The following CERS3 variants were observed in gnomAD, a reference collection of about 807,000 sequenced individuals.
The protein encoded by CERS3 is ceramide synthase 3, also known as LAG1 homolog, ceramide synthase 3.
CERS3 carries 33 observed loss-of-function variants against 50.3 expected under a neutral mutation model. That is an observed-to-expected ratio of 0.66 (90% CI 0.50 to 0.88). The LOEUF (loss-of-function observed/expected upper bound fraction) is 0.88, where lower values mean the gene tolerates loss of function less well. CERS3 is among the 40% of genes least tolerant of loss of function. The pLI, the probability that CERS3 is intolerant of heterozygous loss-of-function variation, is 0.00. For missense variants in CERS3, 470 were observed against 460.3 expected (o/e 1.02, Z -0.19); for synonymous variants, 176 against 155.2 (o/e 1.13, Z -0.99).
chr15:100,427,780 G>C (rs2587823), intron 11 of CERS3, among the ~76,000 whole-genome samples: 41,855 of 152,138 alleles, frequency 0.28, 5,946 homozygotes, highest in East Asian at 0.42. Flanking sequence ...TAAATATGAT[G>C]GCTTGAGCTA....
intron 4 of CERS3, among the ~76,000 whole-genome samples, chr15:100,486,373 C>T (rs988665977): frequency 2.0e-5 from 3 of 152,180 alleles, no homozygotes; most frequent in South Asian, 2.1e-4. Flanking sequence ...GCTATGTAGG[C>T]GTAAGCACCG....
intron 1 of CERS3, among the ~76,000 whole-genome samples, chr15:100,528,472 C>A (rs1416878393): frequency 6.6e-6 from 1 of 152,168 alleles, no homozygotes; most frequent in Admixed American, 6.5e-5. Context: ...CTGCCCAGAC[C>A]TTTCTTCCTA....
chr15:100,483,784 A>ATTTTTTTTT (rs1335617514), intron 5 of CERS3, among the ~76,000 whole-genome samples: 121 of 89,394 alleles, frequency 1.4e-3, no homozygotes, highest in East Asian at 4.5e-3. Context: ...AATTATTATT[A>ATTTTTTTTT]TTATTTTTTT....
At chr15:100,531,003 G>C (rs1006583229), upstream of CERS3, among the ~76,000 whole-genome samples, 5 of 152,066 alleles carry the variant, frequency 3.3e-5, no homozygotes, top group African/African-American at 7.2e-5. Flanking sequence ...AGAATTCCTT[G>C]AACCCAGGAG....
chr15:100,531,297 G>C (rs2036933159), upstream of CERS3, among the ~76,000 whole-genome samples: 5 of 152,216 alleles, frequency 3.3e-5, no homozygotes, highest in African/African-American at 1.2e-4. Context: ...TCACTGTCAA[G>C]GTGTAATTCT....
At chr15:100,538,848 T>C (rs1051757919) in intron 1 of CERS3, among the ~76,000 whole-genome samples, 2 of 152,228 alleles carry the variant, frequency 1.3e-5, no homozygotes, top group African/African-American at 4.8e-5. Flanking sequence ...CATTGAATCA[T>C]CAAGCTGCAA....
At chr15:100,533,681 C>A (rs1033236213), upstream of CERS3, among the ~76,000 whole-genome samples, 14 of 151,846 alleles carry the variant, frequency 9.2e-5, no homozygotes, top group Non-Finnish European at 1.5e-4. Context: ...CCTCAGCCCC[C>A]CAAGTAGCTG....
chr15:100,404,764 A>G (rs1225536286), intron 11 of CERS3, among the ~76,000 whole-genome samples: 1 of 152,236 alleles, frequency 6.6e-6, no homozygotes, highest in Non-Finnish European at 1.5e-5. Context: ...GGTGTTCACA[A>G]AGGAATAAAC....
At chr15:100,427,147 G>A (rs2032859503) in intron 11 of CERS3, among the ~76,000 whole-genome samples, 2 of 152,170 alleles carry the variant, frequency 1.3e-5, no homozygotes, top group South Asian at 4.1e-4. Context: ...TGACACAGCT[G>A]CGTATGTTTT....
Position 100,518,928 on chromosome 15 carries a change from C to T in CERS3, c.-2+2739G>A, listed in dbSNP as rs574108752. Among the ~76,000 whole-genome samples, 4 of 152,248 alleles carry T rather than the reference C, an allele frequency of 2.6e-5. No individual in the cohort carries two copies. The East Asian group carries it at 5.8e-4, about 22-fold the overall frequency. ...CCTGTAATCCCAGCACTTTGGGAGG[C>T]CAAGGCAGGCAGATCACCAGGTCAG... On this transcript the variant is annotated intron_variant, in intron 2 of 11. Transcript: ENST00000679737.
intron 5 of CERS3, among the ~76,000 whole-genome samples, chr15:100,483,609 C>A (rs1340733555): frequency 1.3e-5 from 2 of 151,660 alleles, no homozygotes; most frequent in African/African-American, 4.8e-5. Context: ...TATGATACAA[C>A]AAGAAATAGT....
intron 5 of CERS3, among the ~76,000 whole-genome samples, chr15:100,483,474 T>G (rs993917496): frequency 6.6e-6 from 1 of 152,084 alleles, no homozygotes; most frequent in Non-Finnish European, 1.5e-5. Flanking sequence ...AACTCAAAAT[T>G]CCCTTCTCCA....
Position 100,534,824 on chromosome 15 carries a change from T to G in CERS3, c.-354-5749A>C, listed in dbSNP as rs964937869. Among the ~76,000 whole-genome samples the G allele has an allele frequency of 4.6e-5, 7 of 152,192 alleles. No homozygotes were observed. The South Asian group carries it at 8.3e-4, about 18-fold the overall frequency. ...TCATAATCACAGCTAACATTCACTC[T>G]GTGCTTGCTCTGAGCCAGGTATTGT... On this transcript the variant is annotated intron_variant, in intron 1 of 12. Coordinates refer to the CERS3 transcript ENST00000284382.
At chr15:100,525,554 G>A (rs1232436805) in intron 1 of CERS3, among the ~76,000 whole-genome samples, 2 of 152,162 alleles carry the variant, frequency 1.3e-5, no homozygotes, top group Non-Finnish European at 2.9e-5. Flanking sequence ...TCTAACTGAA[G>A]CCCATTTACA....
intron 11 of CERS3, among the ~76,000 whole-genome samples, chr15:100,434,624 C>G (rs2033304334): frequency 6.6e-6 from 1 of 152,132 alleles, no homozygotes; most frequent in Non-Finnish European, 1.5e-5. Context: ...CCACAGAAAA[C>G]AGTGGGAGAC....
At chr15:100,432,052 C>T (rs1261751419) in intron 11 of CERS3, among the ~76,000 whole-genome samples, 4 of 129,850 alleles carry the variant, frequency 3.1e-5, no homozygotes, top group African/African-American at 1.1e-4. Flanking sequence ...TCCTGAGTTC[C>T]TTTAATAGGC....
upstream of CERS3, chr15:100,529,139 G>A (rs2036877339): frequency 6.6e-6 from 1 of 152,198 alleles, no homozygotes; most frequent in African/African-American, 2.4e-5. Flanking sequence ...TTGCCTCATC[G>A]TTGTTGCCTT....
chr15:100,421,444 A>G (rs1364263007), intron 11 of CERS3, among the ~76,000 whole-genome samples: 1 of 152,146 alleles, frequency 6.6e-6, no homozygotes, highest in Non-Finnish European at 1.5e-5. Context: ...GGATACAAAC[A>G]AATGGAAGAA....
intron 11 of CERS3, among the ~76,000 whole-genome samples, chr15:100,411,226 G>C (rs986313776): frequency 2.6e-5 from 4 of 152,048 alleles, no homozygotes; most frequent in Admixed American, 2.6e-4. Flanking sequence ...GCAGTGGCAC[G>C]ATCTTGGCTC....
Sources: allele counts gnomAD v4.1 joint callset (sites outside exome capture counted in the v4.1 genomes callset), GRCh38; gene constraint gnomAD v4.1.1; transcripts MANE v1.5; gene names NCBI Gene and HGNC (gene_info 2026-07-23, HGNC 2026-07-21).